The following HS1BP3 variants were observed in gnomAD, a reference collection of about 807,000 sequenced individuals.
The protein encoded by HS1BP3 is HCLS1-binding protein 3.
Under a neutral mutation model 33.5 loss-of-function variants are expected in HS1BP3, and 32 were observed. The ratio of observed to expected loss-of-function variants is 0.95; its 90% CI spans 0.72 to 1.28. HS1BP3 has a LOEUF of 1.28. Among genes scored for constraint, HS1BP3 ranks in the 50% most tolerant of loss-of-function variants. HS1BP3 has a pLI of 0.00. For synonymous variants in HS1BP3, 187 were observed against 209.2 expected (o/e 0.89, Z 0.92); for missense variants, 486 against 502.3 (o/e 0.97, Z 0.31).
intron 6 of HS1BP3, among the ~76,000 whole-genome samples, chr2:20,621,656 AG>A (rs1694606418): frequency 6.6e-6 from 1 of 152,216 alleles, no homozygotes; most frequent in South Asian, 2.1e-4. Flanking sequence ...ATCCTCAAAT[AG>A]GGGCCCTTTG....
chr2:20,623,097 G>A (rs1475031799), intron 6 of HS1BP3: 1 of 152,364 alleles, frequency 6.6e-6, no homozygotes, highest in African/African-American at 2.4e-5. Context: ...ACAACACTGA[G>A]TCTGCTGAGA....
rs1694477188 is a variant in HS1BP3, at chr2:20,618,202, G to C, written c.*785C>G. The C allele has an allele frequency of 6.6e-6, 1 of 152,404 alleles. No homozygotes were observed. The highest frequency in any genetic ancestry group is 2.4e-5 in the African/African-American group (1 of 41,472). 9.4% of individuals were successfully genotyped at this position (152,404 alleles called of 1,614,324 possible). ...GAGGCCCAAGAAGGCCATGGACTGGGCTGGCCTTTCCTGGGAAAGGGGGAA... is the reference window on the plus strand; with the variant it reads ...GAGGCCCAAGAAGGCCATGGACTGGCCTGGCCTTTCCTGGGAAAGGGGGAA... On this transcript the variant is annotated 3_prime_UTR_variant, in exon 7 of 7. Transcript: ENST00000304031.
At chr2:20,565,072 C>G (rs139524263) in intron 5 of HS1BP3, among the ~76,000 whole-genome samples, 4 of 152,302 alleles carry the variant, frequency 2.6e-5, no homozygotes, top group African/African-American at 9.6e-5. Flanking sequence ...AATGCTGGAG[C>G]TTGAGAGCAG....
At chr2:20,586,381 A>G (rs551623923) in intron 5 of HS1BP3, 1 of 152,200 alleles carries the variant, frequency 6.6e-6, no homozygotes, top group East Asian at 1.9e-4. Flanking sequence ...CCACCCAGAG[A>G]TCATCTCAGT....
intron 1 of HS1BP3, among the ~76,000 whole-genome samples, chr2:20,650,186 A>G (rs1435812010): frequency 2.6e-5 from 4 of 152,244 alleles, no homozygotes; most frequent in Admixed American, 2.6e-4. Context: ...CAACTGGAAG[A>G]TCAACAGTTG....
Position 20,618,979 on chromosome 2 carries a change from T to A in HS1BP3, c.*8A>T, listed in dbSNP as rs756747321. On this transcript the variant is annotated 3_prime_UTR_variant, in exon 7 of 7. Coordinates refer to ENST00000304031, the MANE Select transcript of HS1BP3 (RefSeq NM_022460.4). ...AGGCCTGCTGGGCCAGGGGCCAGCA[T>A]GGAAGGGTCAGAAGAGGCTGGGGGC... 2 of 1,611,226 alleles carry A rather than the reference T, an allele frequency of 1.2e-6. No individual in the cohort carries two copies. The highest frequency in any genetic ancestry group is 1.1e-5 in the South Asian group (1 of 90,754).
At chr2:20,607,033 A>C (rs1694203055) in intron 2 of HS1BP3, among the ~76,000 whole-genome samples, 1 of 151,924 alleles carries the variant, frequency 6.6e-6, no homozygotes, top group African/African-American at 2.4e-5. Flanking sequence ...CCATGGCCAA[A>C]TCTCAGGTCA....
At chr2:20,576,487 C>T (rs1693403302) in intron 5 of HS1BP3, among the ~76,000 whole-genome samples, 1 of 152,204 alleles carries the variant, frequency 6.6e-6, no homozygotes, top group Admixed American at 6.5e-5. Context: ...CCTCTCTGGC[C>T]TGAGACCTCC....
intron 5 of HS1BP3, among the ~76,000 whole-genome samples, chr2:20,570,614 G>A (rs1008266092): frequency 6.6e-6 from 1 of 152,198 alleles, no homozygotes; most frequent in African/African-American, 2.4e-5. Context: ...ATAATTCTAG[G>A]ATGGCCATGG....
At chr2:20,556,199 T>A (rs950453026), downstream of HS1BP3, among the ~76,000 whole-genome samples, 1 of 152,252 alleles carries the variant, frequency 6.6e-6, no homozygotes, top group Non-Finnish European at 1.5e-5. Flanking sequence ...CTTCCTGCTA[T>A]GAGAACTGAT....
chr2:20,620,964 G>A (rs948091843), intron 6 of HS1BP3, among the ~76,000 whole-genome samples: 3 of 152,258 alleles, frequency 2.0e-5, no homozygotes, highest in Non-Finnish European at 4.4e-5. Context: ...TTGGGCCAGA[G>A]CAGGCTGGGA....
intron 2 of HS1BP3, among the ~76,000 whole-genome samples, chr2:20,601,618 T>C (rs1435428540): frequency 6.6e-6 from 1 of 152,130 alleles, no homozygotes; most frequent in Non-Finnish European, 1.5e-5. Context: ...GAAATTTTCC[T>C]GCACAAGTCG....
At chr2:20,613,295 C>G (rs1694350875), downstream of HS1BP3, among the ~76,000 whole-genome samples, 1 of 152,232 alleles carries the variant, frequency 6.6e-6, no homozygotes, top group Admixed American at 6.5e-5. Context: ...GCAGTAAAGG[C>G]AGTTGGCCTG....
At chr2:20,587,133 G>A (rs1693700409) in intron 5 of HS1BP3, among the ~76,000 whole-genome samples, 1 of 152,166 alleles carries the variant, frequency 6.6e-6, no homozygotes, top group Admixed American at 6.5e-5. Flanking sequence ...GATAAAGGGG[G>A]TATTGAATAG....
chr2:20,559,531 T>C (rs1254051259), downstream of HS1BP3, among the ~76,000 whole-genome samples: 1 of 151,590 alleles, frequency 6.6e-6, no homozygotes, highest in Non-Finnish European at 1.5e-5. Flanking sequence ...GGTGGATGGA[T>C]GGATGCATGG....
At chr2:20,626,653 CAAG>C (rs1233149442) in intron 4 of HS1BP3, among the ~76,000 whole-genome samples, 1 of 152,160 alleles carries the variant, frequency 6.6e-6, no homozygotes, top group Non-Finnish European at 1.5e-5. Flanking sequence ...GGGACTGCTC[CAAG>C]AAGGCCCATC....
intron 2 of HS1BP3, among the ~76,000 whole-genome samples, chr2:20,607,348 G>A (rs540032384): frequency 6.6e-6 from 1 of 152,082 alleles, no homozygotes; most frequent in African/African-American, 2.4e-5. Context: ...AAGAGACAGG[G>A]TTTCACCATG....
chr2:20,635,937 C>G (rs1376270837), intron 4 of HS1BP3: 4 of 152,206 alleles, frequency 2.6e-5, no homozygotes, highest in Non-Finnish European at 5.9e-5. Context: ...GCTGGCGACT[C>G]CCACCCTCCC....
intron 2 of HS1BP3, among the ~76,000 whole-genome samples, chr2:20,598,609 A>G (rs1446589974): frequency 9.0e-6 from 1 of 111,326 alleles, no homozygotes; most frequent in East Asian, 3.0e-4. Flanking sequence ...CCCAGGCTGG[A>G]GTGCAGTGGC....
Sources: gnomAD v4.1 joint callset for allele counts (sites outside exome capture counted in the v4.1 genomes callset) on GRCh38, gnomAD v4.1.1 for gene constraint, MANE v1.5 for transcripts, NCBI Gene and HGNC (gene_info 2026-07-23, HGNC 2026-07-21) for gene names.